Variants in FAM53A observed in about 807,000 individuals in gnomAD.
FAM53A encodes protein FAM53A.
A neutral mutation model predicts 26.6 loss-of-function variants in FAM53A; 28 were observed. The observed-to-expected ratio is 1.05, with a 90% CI of 0.78 to 1.45. The LOEUF is 1.45. Among genes scored for constraint, FAM53A ranks in the 40% most tolerant of loss-of-function variants. The pLI, the probability that FAM53A is intolerant of heterozygous loss-of-function variation, is 0.00. For synonymous variants in FAM53A, 290 were observed against 253.1 expected, an observed-to-expected ratio of 1.15 and a Z score of -1.38; for missense variants, 650 against 575.8, an observed-to-expected ratio of 1.13 and a Z score of -1.32.
chr4:1,619,827 C>A (rs767509018), intron 1 of FAM53A, among the ~76,000 whole-genome samples: 54 of 152,356 alleles, frequency 3.5e-4, no homozygotes, highest in African/African-American at 8.4e-4. Context: ...CCCACACTGG[C>A]ACCTGGATCT....
chr4:1,670,011 A>C (rs1006121179), intron 1 of FAM53A, among the ~76,000 whole-genome samples: 1 of 152,248 alleles, frequency 6.6e-6, no homozygotes, highest in Non-Finnish European at 1.5e-5. Flanking sequence ...CACCACCACC[A>C]ATGAAGGCAA....
At position 1,621,392 on chromosome 4, in the gene FAM53A, CCG is replaced by C. The variant is rs201752685; in HGVS notation, c.432-3283_432-3282del. Among the ~76,000 whole-genome samples the C allele has an allele frequency of 3.2e-3, 485 of 152,310 alleles. 4 individuals are homozygous for C. The highest frequency in any genetic ancestry group is 0.011 in the African/African-American group (463 of 41,574). On this transcript the variant is annotated intron_variant, in intron 1 of 1. Transcript: ENST00000489029. ...GTGCTGGGATTACAGGCATGAGCCA[CCG>C]CGCCCGGTCAGTCGGCTACTTTTAA...
the FAM53A span, among the ~76,000 whole-genome samples, chr4:1,591,712 G>A: frequency 6.6e-6 from 1 of 152,204 alleles, no homozygotes; most frequent in African/African-American, 2.4e-5. Flanking sequence ...ATCCATCCAG[G>A]GGCCTGGGAG....
chr4:1,609,383 G>A, the FAM53A span, among the ~76,000 whole-genome samples: 2 of 152,004 alleles, frequency 1.3e-5, no homozygotes, highest in Non-Finnish European at 2.9e-5. Flanking sequence ...CCTCTGATAT[G>A]GTTTGGCTGT....
the FAM53A span, among the ~76,000 whole-genome samples, chr4:1,583,213 T>C: frequency 2.8e-5 from 4 of 145,090 alleles, no homozygotes; most frequent in African/African-American, 1.1e-4. Flanking sequence ...CTGTCGAGAG[T>C]GCACTGGGGA....
the FAM53A span, among the ~76,000 whole-genome samples, chr4:1,597,238 G>C: frequency 1.3e-5 from 2 of 151,596 alleles, no homozygotes; most frequent in Admixed American, 1.3e-4. Context: ...CTCTATCAGG[G>C]GTCCCCCTCG....
chr4:1,608,037 G>A, the FAM53A span, among the ~76,000 whole-genome samples: 5 of 151,930 alleles, frequency 3.3e-5, no homozygotes, highest in South Asian at 2.1e-4. Flanking sequence ...ACTTGAACCC[G>A]GGAGGCGGAG....
intron 4 of FAM53A, among the ~76,000 whole-genome samples, chr4:1,643,189 A>G (rs1335973829): frequency 6.6e-6 from 1 of 152,286 alleles, no homozygotes; most frequent in South Asian, 2.1e-4. Context: ...AATTGACGCC[A>G]GGCATGGTGG....
intron 4 of FAM53A, among the ~76,000 whole-genome samples, chr4:1,646,467 C>A (rs138506206): frequency 0.023 from 3,526 of 152,280 alleles, 63 homozygotes; most frequent in Non-Finnish European, 0.035. Context: ...GTTACAGCAG[C>A]AAAAACAAAC....
At chr4:1,620,911 G>A (rs1382303683) in intron 1 of FAM53A, among the ~76,000 whole-genome samples, 1 of 151,922 alleles carries the variant, frequency 6.6e-6, no homozygotes, top group Non-Finnish European at 1.5e-5. Flanking sequence ...GGGTCCCCAG[G>A]GTCACCACAT....
chr4:1,651,372 A>T (rs1204043402), intron 4 of FAM53A, among the ~76,000 whole-genome samples: 1 of 151,980 alleles, frequency 6.6e-6, no homozygotes, highest in Non-Finnish European at 1.5e-5. Flanking sequence ...TCTCTATTAA[A>T]AATACAAATA....
chr4:1,595,315 G>A, the FAM53A span, among the ~76,000 whole-genome samples: 9 of 152,236 alleles, frequency 5.9e-5, no homozygotes, highest in Admixed American at 1.3e-4. Flanking sequence ...CCATGGTCCT[G>A]CGTGGCCATT....
In FAM53A at chr4:1,655,642, G is replaced by A. The variant is rs770489242; in HGVS notation, c.218C>T (p.Pro73Leu). 2.1e-5 allele frequency: 33 copies of A among 1,595,220 alleles called. No individual in the cohort carries two copies. Among genetic ancestry groups the A allele is most frequent in the East Asian group, 2.1e-4 (9 of 43,812 alleles). The part of the protein sequence containing the change: ...AATGPDFSFL[P>L]GLSAAAHTMG... ...GGTGTGAGCGGCAGCAGACAGGCCCGGCAGGAAGGAGAAATCAGGGCCCGT... is the reference window on the plus strand; with the variant it reads ...GGTGTGAGCGGCAGCAGACAGGCCCAGCAGGAAGGAGAAATCAGGGCCCGT... The change falls in exon 4 of 5, where the codon CCG (proline) becomes CTG (leucine). Residue 73 changes from proline (P) to leucine (L), a missense_variant. Pro to Leu is a moderately conservative substitution (Grantham distance 98). Coordinates refer to ENST00000308132, the MANE Select transcript of FAM53A (RefSeq NM_001174070.3).
rs899466482 is a variant in FAM53A, at chr4:1,659,469, C to T, written c.76-2001G>A. On this transcript the variant is annotated intron_variant, in intron 2 of 4. Coordinates refer to ENST00000308132, the MANE Select transcript of FAM53A (RefSeq NM_001174070.3). The surrounding 1 kb of genome is among the most constrained non-coding windows in gnomAD (Gnocchi z 5.2). ...CTAGCAAGGAAAGGACTTTCCCAGCCGGCACAGATGGCTCTCACGGGCAGC... is the reference window on the plus strand; with the variant it reads ...CTAGCAAGGAAAGGACTTTCCCAGCTGGCACAGATGGCTCTCACGGGCAGC... Among the ~76,000 whole-genome samples the T allele has an allele frequency of 6.6e-6, 1 of 152,216 alleles. No homozygotes were observed. The highest frequency in any genetic ancestry group is 1.5e-5 in the Non-Finnish European group (1 of 68,034).
chr4:1,650,909 A>G (rs1712719725), intron 4 of FAM53A, among the ~76,000 whole-genome samples: 2 of 151,260 alleles, frequency 1.3e-5, no homozygotes, highest in African/African-American at 4.9e-5. Context: ...CAGAGAATTC[A>G]CTCGGGCATT....
At chr4:1,611,099 G>A in the FAM53A span, among the ~76,000 whole-genome samples, 1 of 152,224 alleles carries the variant, frequency 6.6e-6, no homozygotes, top group Non-Finnish European at 1.5e-5. Flanking sequence ...CACAGAACGG[G>A]GCCTCTGGGC....
intron 4 of FAM53A, among the ~76,000 whole-genome samples, chr4:1,652,146 A>G (rs1351568014): frequency 8.1e-6 from 1 of 124,200 alleles, no homozygotes; most frequent in South Asian, 2.5e-4. Flanking sequence ...CACCACACAC[A>G]CCACACGTCA....
chr4:1,593,672 T>TA, the FAM53A span, among the ~76,000 whole-genome samples: 2 of 152,042 alleles, frequency 1.3e-5, no homozygotes, highest in African/African-American at 4.8e-5. Context: ...GACAGGGTAA[T>TA]TGCAGAGCGG....
At chr4:1,654,848 C>A in intron 4 of FAM53A, 130 bp downstream of exon 4, 1 of 1,314,050 alleles carries the variant, frequency 7.6e-7, no homozygotes, top group East Asian at 2.8e-5. Flanking sequence ...CTCCTCACTC[C>A]TTTCCTCCCA....
Sources: gnomAD v4.1 joint callset for allele counts (sites outside exome capture counted in the v4.1 genomes callset) on GRCh38, gnomAD v4.1.1 for gene constraint, Gnocchi (gnomAD v3.1) non-coding constraint, MANE v1.5 for transcripts, NCBI Gene and HGNC (gene_info 2026-07-23, HGNC 2026-07-21) for gene names.